PSMC3: variants seen among roughly 807,000 people sequenced by gnomAD.
The protein encoded by PSMC3 is proteasome 26S subunit, ATPase 3, also known as 26S proteasome regulatory subunit 6A.
A neutral mutation model predicts 52.0 loss-of-function variants in PSMC3; 11 were observed. The observed-to-expected ratio is 0.21, with a 90% CI of 0.13 to 0.35. The LOEUF is 0.35. Ranked by LOEUF, PSMC3 falls within the 10% of genes least tolerant of loss-of-function variation. The pLI, the probability that PSMC3 is intolerant of heterozygous loss-of-function variation, is 1.00. For synonymous variants in PSMC3, 201 were observed against 218.8 expected, an observed-to-expected ratio of 0.92 and a Z score of 0.72; for missense variants, 238 against 567.1, an observed-to-expected ratio of 0.42 and a Z score of 5.89.
intron 6 of PSMC3, among the ~76,000 whole-genome samples, chr11:47,423,539 C>A (rs1490165734): frequency 6.6e-6 from 1 of 152,158 alleles, no homozygotes; most frequent in Non-Finnish European, 1.5e-5. Flanking sequence ...GTAATCCCAG[C>A]ACTTTGGGAG....
rs961171756 is a variant in PSMC3 at position 47,426,105 on chromosome 11, A to G, written c.75+100T>C. On this transcript the variant is annotated intron_variant, in intron 1 of 11. Coordinates refer to ENST00000298852, the MANE Select transcript of PSMC3 (RefSeq NM_002804.5). ...CATCCCAAACAACCCCGTCCCCGGG[A>G]TCGGGCCAGACCTTGACCCCCAGCC... The G allele has an allele frequency of 3.5e-6, 5 of 1,446,920 alleles. No homozygotes were observed. In the Admixed American group the frequency reaches 7.9e-5, roughly 23 times the overall value. 89.6% of individuals were successfully genotyped at this position (1,446,920 alleles called of 1,614,324 possible).
In PSMC3 at chr11:47,422,784, T is replaced by A; in HGVS notation, c.735+46A>T. On this transcript the variant is annotated intron_variant, in intron 7 of 11. Coordinates refer to ENST00000298852, the MANE Select transcript of PSMC3 (RefSeq NM_002804.5). This position sits in a 1 kb window ranked among gnomAD's most constrained non-coding sequence, Gnocchi z 4.3. ...GACCCTTTGAGCCCATCTGGTAGAGTTTCTGCTCCTGCCCACTTCCCCCGC... is the reference window on the plus strand; with the variant it reads ...GACCCTTTGAGCCCATCTGGTAGAGATTCTGCTCCTGCCCACTTCCCCCGC... 1 of 1,605,568 alleles carries A rather than the reference T, an allele frequency of 6.2e-7. No individual in the cohort carries two copies. Among genetic ancestry groups the A allele is most frequent in the Non-Finnish European group, 8.5e-7 (1 of 1,173,988 alleles).
At chr11:47,421,901 C>G (rs1316773613) in intron 8 of PSMC3, among the ~76,000 whole-genome samples, 1 of 152,102 alleles carries the variant, frequency 6.6e-6, no homozygotes, top group Non-Finnish European at 1.5e-5. Context: ...ATCTGCCCAC[C>G]TCAGCCTTCC....
rs781472010 is a variant in PSMC3 at position 47,422,812 on chromosome 11, C to T, written c.735+18G>A. 6.2e-7 allele frequency: 1 copy of T among 1,602,856 alleles called. No individual in the cohort carries two copies. The highest frequency in any genetic ancestry group is 1.1e-5 in the South Asian group (1 of 90,242). ...CTGCTCCTGCCCACTTCCCCCGCAT[C>T]CCTCCCAAAGTACTCACCTTAGTCT... On this transcript the variant is annotated intron_variant, in intron 7 of 11. Transcript: ENST00000298852. The surrounding 1 kb of genome is among the most constrained non-coding windows in gnomAD (Gnocchi z 4.3).
intron 10 of PSMC3, 63 bp downstream of exon 10, chr11:47,420,201 C>A (rs996921815): frequency 2.3e-5 from 36 of 1,580,550 alleles, no homozygotes; most frequent in Middle Eastern, 2.1e-4. Context: ...TACAGAGAAG[C>A]ATGGCAGAGA....
At position 47,426,269 on chromosome 11, in the gene PSMC3, A is replaced by G; in HGVS notation, c.11T>C (p.Leu4Pro). MNLLPNIESPVTRQ... is the reference protein window; with the variant it reads MNLPPNIESPVTRQ... Reference sequence around the variant, plus strand: ...AGTCACTGGACTCTCAATATTCGGCAGCAGATTCATTTCCTGGAGGAGCGG... The same window carrying G: ...AGTCACTGGACTCTCAATATTCGGCGGCAGATTCATTTCCTGGAGGAGCGG... The change falls in exon 1 of 12, where the codon CTG becomes CCG. Residue 4 changes from leucine to proline, a missense_variant. Around this residue, in one of 6 missense-constraint regions of PSMC3, gnomAD observed 48 missense variants for 63.4 expected, o/e 0.76. Transcript: ENST00000298852. The G allele has an allele frequency of 6.4e-7, 1 of 1,553,992 alleles. No individual in the cohort carries two copies. Among genetic ancestry groups the G allele is most frequent in the Non-Finnish European group, 8.7e-7 (1 of 1,148,352 alleles).
intron 8 of PSMC3, among the ~76,000 whole-genome samples, chr11:47,421,357 C>T (rs537173878): frequency 6.7e-6 from 1 of 150,210 alleles, no homozygotes; most frequent in African/African-American, 2.4e-5. Flanking sequence ...ACACAGGTAT[C>T]TGGCCCAGCC....
rs772721062 is a variant in PSMC3, at chr11:47,422,646, G to T, written c.812C>A (p.Ala271Asp). The change falls in exon 8 of 12, where the codon GCC becomes GAC. Residue 271 changes from alanine to aspartate, a missense_variant. Ala to Asp is a moderately radical substitution (Grantham distance 126). Coordinates refer to ENST00000298852, the MANE Select transcript of PSMC3 (RefSeq NM_002804.5). The surrounding 1 kb of genome is among the most constrained non-coding windows in gnomAD (Gnocchi z 4.3). ...CGCTTTCTCCTTGGCCAGGGCAAAG[G>T]CATCCCGGACTAGCTTGGCACCATC... ...IGDGAKLVRD[A>D]FALAKEKAPS... The T allele has an allele frequency of 6.2e-7, 1 of 1,614,048 alleles. No homozygotes were observed. The highest frequency in any genetic ancestry group is 8.5e-7 in the Non-Finnish European group (1 of 1,180,038).
intron 1 of PSMC3, 35 bp downstream of exon 1, chr11:47,426,170 C>T: frequency 6.5e-7 from 1 of 1,547,568 alleles, no homozygotes; most frequent in South Asian, 1.2e-5. Context: ...CCTGCGGGCC[C>T]CGGTTCCCGG....
chr11:47,424,469 C>A lies in PSMC3; in HGVS notation c.413G>T (p.Gly138Val). 1.9e-6 allele frequency: 3 copies of A among 1,614,198 alleles called. No homozygotes were observed. The highest frequency in any genetic ancestry group is 2.5e-6 in the Non-Finnish European group (3 of 1,180,032). The change falls in exon 5 of 12, where the codon GGG becomes GTG. Residue 138 changes from glycine (G) to valine (V), a missense_variant. Transcript: ENST00000298852. The surrounding 1 kb of genome is among the most constrained non-coding windows in gnomAD (Gnocchi z 4.8). ...CTTTAGCTTTTCAGCATCCACCAAC[C>A]CAATCACAGGAAGGAAGTACGTCTG... is the stretch of plus-strand genomic sequence containing the variant. The part of the protein sequence containing the change: ...TRQTYFLPVI[G>V]LVDAEKLKPG...
chr11:47,425,345 C>T (rs1170429348), intron 2 of PSMC3, 99 bp from the exon 3 acceptor site: 7 of 1,405,596 alleles, frequency 5.0e-6, no homozygotes, highest in South Asian at 1.2e-5. Flanking sequence ...GGGACCCTCC[C>T]GCATCCATTC....
chr11:47,423,383 C>T (rs531147790), intron 6 of PSMC3, among the ~76,000 whole-genome samples: 5 of 150,038 alleles, frequency 3.3e-5, no homozygotes, highest in African/African-American at 9.8e-5. Flanking sequence ...CCAGCCTGAG[C>T]GGCAGAGCAA....
Position 47,425,858 on chromosome 11 carries a change from T to C in PSMC3, c.159+9A>G, listed in dbSNP as rs760200038. 3 of 1,612,106 alleles carry C rather than the reference T, an allele frequency of 1.9e-6. No individual in the cohort carries two copies. The highest frequency in any genetic ancestry group is 2.2e-5 in the South Asian group (2 of 90,968). The stretch of plus-strand genomic sequence containing the variant: ...GGCTCCATCGCCCGCACAGGAGCTG[T>C]GCGCCCACCTTGATCTCACTGTCCA... On this transcript the variant is annotated intron_variant, in intron 2 of 11. Coordinates refer to ENST00000298852, the MANE Select transcript of PSMC3 (RefSeq NM_002804.5).
intron 2 of PSMC3, 22 bp downstream of exon 2, chr11:47,425,845 C>G (rs757697843): frequency 2.2e-4 from 354 of 1,605,274 alleles, no homozygotes; most frequent in Non-Finnish European, 2.5e-4. Context: ...CTCCATCGCC[C>G]GCACAGGAGC....
At chr11:47,419,718 G>GTAT (rs2096037886) in intron 10 of PSMC3, among the ~76,000 whole-genome samples, 1 of 152,056 alleles carries the variant, frequency 6.6e-6, no homozygotes, top group Non-Finnish European at 1.5e-5. Context: ...AATTAGCCGG[G>GTAT]CGTGGTGGCG....
intron 2 of PSMC3, 105 bp downstream of exon 2, chr11:47,425,762 C>T: frequency 1.0e-6 from 1 of 956,072 alleles, no homozygotes; most frequent in Non-Finnish European, 1.6e-6. Flanking sequence ...GCCCGAGCCC[C>T]ATGTCTCCCC....
chr11:47,423,101 A>G (rs1446102732), intron 6 of PSMC3, 128 bp from the exon 7 acceptor site: 2 of 1,047,218 alleles, frequency 1.9e-6, no homozygotes, highest in African/African-American at 3.2e-5. Flanking sequence ...TTCTTTCCCC[A>G]TATCAAGAGG....
intron 10 of PSMC3, among the ~76,000 whole-genome samples, chr11:47,419,731 C>T (rs1025963578): frequency 2.6e-4 from 39 of 152,010 alleles, no homozygotes; most frequent in Admixed American, 1.8e-3. Flanking sequence ...TGGTGGCGGG[C>T]GCCTGTAGTC....
Position 47,420,361 on chromosome 11 carries a change from G to A in PSMC3, c.1030C>T (p.Arg344Cys). 2 of 1,614,184 alleles carry A rather than the reference G, an allele frequency of 1.2e-6. No homozygotes were observed. The highest frequency in any genetic ancestry group is 1.7e-6 in the Non-Finnish European group (2 of 1,180,022). ...RVDILDPALL[R>C]SGRLDRKIEF... ...ATCTTGCGGTCAAGGCGGCCCGAGC[G>A]GAGGAGGGCGGGGTCCAGGATGTCC... The change falls in exon 10 of 12, where the codon CGC becomes TGC. Residue 344 changes from arginine to cysteine, a missense_variant. Coordinates refer to ENST00000298852, the MANE Select transcript of PSMC3 (RefSeq NM_002804.5).
Sources: gnomAD v4.1 joint callset for allele counts (sites outside exome capture counted in the v4.1 genomes callset) on GRCh38, gnomAD v4.1.1 for gene constraint, gnomAD v4.1.1 regional missense constraint, Gnocchi (gnomAD v3.1) non-coding constraint, MANE v1.5 for transcripts, NCBI Gene and HGNC (gene_info 2026-07-23, HGNC 2026-07-21) for gene names.